SEMA4B: variants seen among roughly 807,000 people sequenced by gnomAD.
The protein encoded by SEMA4B is semaphorin 4B, also known as semaphorin-4B.
A neutral mutation model predicts 88.1 loss-of-function variants in SEMA4B; 55 were observed. That is an observed-to-expected ratio of 0.62 (90% CI 0.50 to 0.78). SEMA4B has a LOEUF of 0.78. Ranked by LOEUF, SEMA4B falls within the 30% of genes least tolerant of loss-of-function variation. The pLI is 0.00. For synonymous variants in SEMA4B, 525 were observed against 473.6 expected, an observed-to-expected ratio of 1.11 and a Z score of -1.41; for missense variants, 1,062 against 1,111.9, an observed-to-expected ratio of 0.96 and a Z score of 0.64.
chr15:90,211,297 G>A (rs1468624098), intron 1 of SEMA4B, among the ~76,000 whole-genome samples: 1 of 152,200 alleles, frequency 6.6e-6, no homozygotes, highest in African/African-American at 2.4e-5. Context: ...GAGGCTCTTC[G>A]TCTGCCCACT....
At chr15:90,217,726 C>G in intron 2 of SEMA4B, 41 bp from the exon 3 acceptor site, 2 of 1,608,616 alleles carry the variant, frequency 1.2e-6, no homozygotes, top group Admixed American at 3.3e-5. Context: ...CTCAGCAAAC[C>G]CTCCATTTTG....
intron 6 of SEMA4B, 48 bp from the exon 7 acceptor site, chr15:90,221,566 C>T: frequency 1.2e-6 from 2 of 1,610,562 alleles, no homozygotes; most frequent in Non-Finnish European, 1.7e-6. Flanking sequence ...CTTGGCCTGT[C>T]TCCAGGGTTC....
chr15:90,227,882 C>A, intron 13 of SEMA4B, 22 bp from the exon 14 acceptor site: 1 of 1,607,530 alleles, frequency 6.2e-7, no homozygotes, highest in Non-Finnish European at 8.5e-7. Flanking sequence ...ACCCCCCTAC[C>A]CCATGCCTTT....
Position 90,228,768 on chromosome 15 carries a change from C to A in SEMA4B, c.*125C>A. 7.6e-7 allele frequency: 1 copy of A among 1,317,942 alleles called. No individual in the cohort carries two copies. The highest frequency in any genetic ancestry group is 2.4e-5 in the East Asian group (1 of 41,350). 81.6% of individuals were successfully genotyped at this position (1,317,942 alleles called of 1,614,324 possible). A position where few individuals can be genotyped will look rare whatever the true frequency, so the allele number is the denominator to read the frequency against. On this transcript the variant is annotated 3_prime_UTR_variant, in exon 14 of 14. Coordinates refer to ENST00000411539, the MANE Select transcript of SEMA4B (RefSeq NM_198925.4). ...ACCGTGGTGCCCGGCCCTTGGGAGC[C>A]TTGGGGCCAGCTGGCCTGCTGCTCT...
At chr15:90,219,569 G>C in intron 3 of SEMA4B, 1 of 534,418 alleles carries the variant, frequency 1.9e-6, no homozygotes, top group South Asian at 2.5e-5. Flanking sequence ...AAGTTTGCCA[G>C]TCACAAAACT....
intron 1 of SEMA4B, among the ~76,000 whole-genome samples, chr15:90,208,198 G>A (rs1263947859): frequency 6.6e-6 from 1 of 151,168 alleles, no homozygotes; most frequent in Non-Finnish European, 1.5e-5. Flanking sequence ...GGGTTGCAGT[G>A]AGCCGAGATC....
rs961737304 is a variant in SEMA4B, at chr15:90,229,062, C to T, written c.*419C>T. 8 of 356,672 alleles carry T rather than the reference C, an allele frequency of 2.2e-5. No homozygotes were observed. The highest frequency in any genetic ancestry group is 1.3e-4 in the African/African-American group (6 of 46,624). The allele number at this position is 356,672 out of a possible 1,614,324, so 22.1% of individuals were successfully genotyped here. ...TGGTTGTCTGAGACAGAGTTGGAAACCCTCACCAACTGGCCTCTTCACCTT... is the reference window on the plus strand; with the variant it reads ...TGGTTGTCTGAGACAGAGTTGGAAATCCTCACCAACTGGCCTCTTCACCTT... On this transcript the variant is annotated 3_prime_UTR_variant, in exon 14 of 14. Coordinates refer to ENST00000411539, the MANE Select transcript of SEMA4B (RefSeq NM_198925.4).
chr15:90,226,002 T>G (rs1385463442), intron 12 of SEMA4B, among the ~76,000 whole-genome samples, 175 bp downstream of exon 12: 1 of 152,186 alleles, frequency 6.6e-6, no homozygotes, highest in African/African-American at 2.4e-5. Context: ...CAGGAAATTG[T>G]GTGTTTATCT....
chr15:90,221,432 C>G lies in SEMA4B; in HGVS notation c.661C>G (p.Gln221Glu). The G allele has an allele frequency of 6.3e-7, 1 of 1,586,612 alleles. No individual in the cohort carries two copies. The highest frequency in any genetic ancestry group is 8.6e-7 in the Non-Finnish European group (1 of 1,167,100). The change falls in exon 6 of 14, where the codon CAA becomes GAA. Residue 221 changes from glutamine to glutamate, a missense_variant. Coordinates refer to ENST00000411539, the MANE Select transcript of SEMA4B (RefSeq NM_198925.4). ...GAATGACCCGGCCATCTCGCGGAGC[C>G]AAAGCCTTCGCCCCACCAAGACCGA... ...QGNDPAISRS[Q>E]SLRPTKTESS... is the part of the protein sequence containing the mutation.
At chr15:90,207,744 TAAAG>T (rs1281417677) in intron 1 of SEMA4B, among the ~76,000 whole-genome samples, 1 of 152,198 alleles carries the variant, frequency 6.6e-6, no homozygotes, top group Non-Finnish European at 1.5e-5. Context: ...TTCCATCTGT[TAAAG>T]AAATCTGTTG....
chr15:90,211,555 C>T (rs531930772), intron 1 of SEMA4B, among the ~76,000 whole-genome samples: 2 of 152,316 alleles, frequency 1.3e-5, no homozygotes, highest in South Asian at 4.1e-4. Flanking sequence ...CTGCCCAACA[C>T]GGGCCGTGTG....
chr15:90,207,670 T>C (rs572765735), intron 1 of SEMA4B, among the ~76,000 whole-genome samples: 1 of 152,372 alleles, frequency 6.6e-6, no homozygotes, highest in South Asian at 2.1e-4. Flanking sequence ...CTGCTTCACC[T>C]GTGAATCGTA....
chr15:90,221,711 G>A lies in SEMA4B; in HGVS notation c.807G>A (p.Gln269=). 1 of 1,614,004 alleles carries A rather than the reference G, an allele frequency of 6.2e-7. No individual in the cohort carries two copies. Among genetic ancestry groups the A allele is most frequent in the Non-Finnish European group, 8.5e-7 (1 of 1,179,892 alleles). ...KIYFFFSETG[Q]EFEFFENTIV... The stretch of plus-strand genomic sequence containing the variant: ...ACTTTTTCTTCAGCGAGACTGGCCA[G>A]GAATTTGAGTTCTTTGAGAACACCA... Residue 269 remains glutamine, a synonymous_variant, in exon 7 of 14, where the codon CAG becomes CAA. Coordinates refer to ENST00000411539, the MANE Select transcript of SEMA4B (RefSeq NM_198925.4).
At position 90,201,396 on chromosome 15, in the gene SEMA4B, C is replaced by A. The variant is rs374508303; in HGVS notation, c.-183C>A. 33 of 1,277,264 alleles carry A rather than the reference C, an allele frequency of 2.6e-5. No individual in the cohort carries two copies. The East Asian group carries it at 1.0e-3, about 41-fold the overall frequency. The allele number at this position is 1,277,264 out of a possible 1,614,324, so 79.1% of individuals were successfully genotyped here. ...GCGCCGGCGGGAGGACTGCGGTGCC[C>A]CGCGGAGGGGCTGAGTTTGCCAGGG... On this transcript the variant is annotated 5_prime_UTR_variant, in exon 1 of 14. Coordinates refer to ENST00000411539, the MANE Select transcript of SEMA4B (RefSeq NM_198925.4).
rs777110494 is a variant in SEMA4B, at chr15:90,228,438, G to A, written c.2309G>A (p.Arg770His). 10 of 1,609,608 alleles carry A rather than the reference G, an allele frequency of 6.2e-6. No individual in the cohort carries two copies. The highest frequency in any genetic ancestry group is 5.0e-5 in the Admixed American group (3 of 59,506). Residue 770 changes from arginine to histidine, a missense_variant, in exon 14 of 14, where the codon CGC (arginine) becomes CAC (histidine). By Grantham distance (29) the Arg-to-His change is conservative (BLOSUM62 0). Coordinates refer to ENST00000411539, the MANE Select transcript of SEMA4B (RefSeq NM_198925.4). ...CCTGTGGTGCTGCCCCCTGAGACCC[G>A]CCCACTCAACGGCCTAGGGCCCCCT... is the stretch of plus-strand genomic sequence containing the variant. ...TCPVVLPPET[R>H]PLNGLGPPST...
chr15:90,217,642 G>T, intron 2 of SEMA4B, 40 bp downstream of exon 2: 1 of 1,610,056 alleles, frequency 6.2e-7, no homozygotes, highest in African/African-American at 1.3e-5. Flanking sequence ...CTGGGCAGAG[G>T]ACCACAGAGG....
chr15:90,218,031 C>T, intron 3 of SEMA4B: 1 of 541,540 alleles, frequency 1.8e-6, no homozygotes, highest in South Asian at 2.0e-5. Flanking sequence ...ATTCACCTGT[C>T]TAAGCCTTAG....
intron 1 of SEMA4B, among the ~76,000 whole-genome samples, chr15:90,208,738 C>CTTTTT: frequency 7.1e-6 from 1 of 141,800 alleles, no homozygotes; most frequent in Non-Finnish European, 1.5e-5. Flanking sequence ...ATACTTAATT[C>CTTTTT]TTTTTTTCTT....
intron 13 of SEMA4B, 75 bp downstream of exon 13, chr15:90,227,717 G>C (rs1433835524): frequency 6.5e-7 from 1 of 1,527,702 alleles, no homozygotes; most frequent in Non-Finnish European, 9.0e-7. Flanking sequence ...AGGCACAGAT[G>C]TTGTAAATGC....
Sources: allele counts gnomAD v4.1 joint callset (sites outside exome capture counted in the v4.1 genomes callset), GRCh38; gene constraint gnomAD v4.1.1; transcripts MANE v1.5; gene names NCBI Gene and HGNC (gene_info 2026-07-23, HGNC 2026-07-21).